Variants in CCN5 observed in about 807,000 individuals in gnomAD.
CCN5 encodes CCN family member 5.
A neutral mutation model predicts 18.7 loss-of-function variants in CCN5; 17 were observed. The ratio of observed to expected loss-of-function variants is 0.91; its 90% confidence interval spans 0.62 to 1.36. CCN5 has a LOEUF of 1.36. CCN5 is among the 40% of genes most tolerant of loss of function. CCN5 has a pLI of 0.00. For synonymous variants in CCN5, 135 were observed against 145.2 expected (o/e 0.93, Z 0.50); for missense variants, 367 against 342.9 (o/e 1.07, Z -0.56).
At chr20:44,726,556 T>C (rs1233052172) in intron 3 of CCN5, among the ~76,000 whole-genome samples, 1 of 152,090 alleles carries the variant, frequency 6.6e-6, no homozygotes, top group African/African-American at 2.4e-5. Flanking sequence ...CTCCAGATAT[T>C]GCCAAACCTT....
In CCN5 at chr20:44,727,458, A is replaced by C; in HGVS notation, c.*151A>C. ...TCCACCATGCAGAACACCAATATTA[A>C]CACGCTGCCTGGTCTGTCTGGATCC... On this transcript the variant is annotated 3_prime_UTR_variant, in exon 4 of 4. Coordinates refer to ENST00000190983, the MANE Select transcript of CCN5 (RefSeq NM_003881.4). The C allele has an allele frequency of 7.0e-7, 1 of 1,435,824 alleles. No homozygotes were observed. Among genetic ancestry groups the C allele is most frequent in the Non-Finnish European group, 9.2e-7 (1 of 1,089,606 alleles). 88.9% of individuals were successfully genotyped at this position (1,435,824 alleles called of 1,614,324 possible).
At chr20:44,722,114 T>C (rs1443068299) in intron 2 of CCN5, among the ~76,000 whole-genome samples, 2 of 152,224 alleles carry the variant, frequency 1.3e-5, no homozygotes, top group Non-Finnish European at 2.9e-5. Context: ...GTCAACATGA[T>C]GGGTGCTCAA....
chr20:44,726,165 T>G (rs1052654838), intron 3 of CCN5, among the ~76,000 whole-genome samples: 25 of 152,338 alleles, frequency 1.6e-4, no homozygotes, highest in African/African-American at 5.3e-4. Flanking sequence ...GCTGTAGCAG[T>G]GCCTGGCACA....
At position 44,727,193 on chromosome 20, in the gene CCN5, C is replaced by T. The variant is rs2065942200; in HGVS notation, c.639C>T (p.Ala213=). Residue 213 remains alanine (A), a synonymous_variant, in exon 4 of 4, where the codon GCC becomes GCT. Coordinates refer to ENST00000190983, the MANE Select transcript of CCN5 (RefSeq NM_003881.4). ...PCSTTCGLGM[A]TRVSNQNRFC... The stretch of plus-strand genomic sequence containing the variant: ...CGACCACCTGTGGGCTGGGCATGGC[C>T]ACCCGGGTGTCCAACCAGAACCGCT... 1.2e-6 allele frequency: 2 copies of T among 1,613,894 alleles called. No homozygotes were observed. The highest frequency in any genetic ancestry group is 1.7e-6 in the Non-Finnish European group (2 of 1,180,030).
chr20:44,715,079 T>G, upstream of CCN5: 1 of 300,178 alleles, frequency 3.3e-6, no homozygotes. Flanking sequence ...GGCTCAGGCT[T>G]TCACACACAC....
intron 1 of CCN5, among the ~76,000 whole-genome samples, chr20:44,716,262 C>T (rs781237930): frequency 6.6e-6 from 1 of 152,230 alleles, no homozygotes; most frequent in Non-Finnish European, 1.5e-5. Flanking sequence ...CAAGCCCAAA[C>T]TGGACCAAGG....
intron 3 of CCN5, 52 bp from the exon 4 acceptor site, chr20:44,727,035 G>A (rs1267665384): frequency 4.5e-5 from 67 of 1,483,634 alleles, no homozygotes; most frequent in Non-Finnish European, 5.6e-5. Flanking sequence ...TGGGTTGATT[G>A]AGCTGCTGAG....
In CCN5 at chr20:44,715,480, G is replaced by A. The variant is rs1341359127; in HGVS notation, c.60+30G>A. ...GGAGGCCCGGGCCCTGGAATGCACT[G>A]CTGACTATTTGGGTGTGGAGGGGGT... On this transcript the variant is annotated intron_variant, in intron 1 of 3. Coordinates refer to ENST00000190983, the MANE Select transcript of CCN5 (RefSeq NM_003881.4). 3 of 1,575,640 alleles carry A rather than the reference G, an allele frequency of 1.9e-6. No homozygotes were observed. The East Asian group carries it at 6.9e-5, about 36-fold the overall frequency.
chr20:44,720,285 T>G, intron 2 of CCN5, 172 bp downstream of exon 2: 2 of 690,496 alleles, frequency 2.9e-6, no homozygotes, highest in Non-Finnish European at 4.9e-6. Flanking sequence ...CACTCCCTCC[T>G]CTCCCTTCTT....
intron 2 of CCN5, among the ~76,000 whole-genome samples, chr20:44,721,810 G>C (rs926154632): frequency 6.6e-6 from 1 of 152,134 alleles, no homozygotes; most frequent in African/African-American, 2.4e-5. Context: ...AACCACATGA[G>C]GTAGGTACCC....
In CCN5 at chr20:44,715,442, C is replaced by T. The variant is rs2065853110; in HGVS notation, c.52C>T (p.Leu18Phe). 1 of 1,595,198 alleles carries T rather than the reference C, an allele frequency of 6.3e-7. No individual in the cohort carries two copies. Among genetic ancestry groups the T allele is most frequent in the Non-Finnish European group, 8.5e-7 (1 of 1,170,890 alleles). ...CCTGGCCTTCTCCCTCCTCTGCCTC[C>T]TCTCAAAGGTAAGGAGGCCCGGGCC... The part of the protein sequence containing the change: ...HLLAFSLLCL[L>F]SKVRTQLCPT... The change falls in exon 1 of 4, where the codon CTC becomes TTC. Residue 18 changes from leucine (L) to phenylalanine (F), a missense_variant. Coordinates refer to ENST00000190983, the MANE Select transcript of CCN5 (RefSeq NM_003881.4).
intron 3 of CCN5, 35 bp downstream of exon 3, chr20:44,725,027 T>A: frequency 6.7e-7 from 1 of 1,487,050 alleles, no homozygotes. Flanking sequence ...AGGGCAGGAC[T>A]GCCTGGGGGC....
chr20:44,719,918 A>G lies in CCN5; in HGVS notation c.82A>G (p.Thr28Ala), dbSNP rs1225275648. ...TCAGGTGCGTACCCAGCTGTGCCCG[A>G]CACCATGTACCTGCCCCTGGCCACC... ...LSKVRTQLCP[T>A]PCTCPWPPPR... Residue 28 changes from threonine (T) to alanine (A), a missense_variant, in exon 2 of 4, where the codon ACA becomes GCA. Transcript: ENST00000190983. The G allele has an allele frequency of 6.2e-7, 1 of 1,613,678 alleles. No homozygotes were observed. Among genetic ancestry groups the G allele is most frequent in the Non-Finnish European group, 8.5e-7 (1 of 1,179,914 alleles).
rs1360983675 is a variant in CCN5 at position 44,724,744 on chromosome 20, A to G, written c.284A>G (p.Glu95Gly). Residue 95 changes from glutamate to glycine, a missense_variant, in exon 3 of 4, where the codon GAG (glutamate) becomes GGG (glycine). By Grantham distance (98) the Glu-to-Gly change is moderately conservative. Transcript: ENST00000190983. ...GGRGALCLLA[E>G]DDSSCEVNGR... ...TGCGGTTTTTCCTCCGCAGTGGCAG[A>G]GGACGACAGCAGCTGTGAGGTGAAC... is the stretch of plus-strand genomic sequence containing the variant. The G allele has an allele frequency of 2.5e-6, 4 of 1,612,552 alleles. No homozygotes were observed.
chr20:44,721,328 A>G (rs2065897913), intron 2 of CCN5: 1 of 141,764 alleles, frequency 7.1e-6, no homozygotes, highest in Non-Finnish European at 1.5e-5. Context: ...GCAACATAGT[A>G]AGATCCTCTC....
intron 1 of CCN5, among the ~76,000 whole-genome samples, chr20:44,717,808 G>A (rs1279632565): frequency 6.6e-6 from 1 of 151,634 alleles, no homozygotes; most frequent in African/African-American, 2.4e-5. Context: ...GAACCTGGGA[G>A]GCGAAGGTTG....
In CCN5 at chr20:44,720,101, G is replaced by T. The variant is rs772635492; in HGVS notation, c.265G>T (p.Ala89Ser). The stretch of plus-strand genomic sequence containing the variant: ...CGGGGCAGGACCCGGTGGCCGGGGG[G>T]CCCTGTGCCTCTGTAAGCAGGTTTG... ...QPGAGPGGRG[A>S]LCLLAEDDSS... Residue 89 changes from alanine (A) to serine (S), a missense_variant, in exon 2 of 4, where the codon GCC becomes TCC. Transcript: ENST00000190983. The T allele has an allele frequency of 6.5e-7, 1 of 1,549,884 alleles. No individual in the cohort carries two copies. Among genetic ancestry groups the T allele is most frequent in the South Asian group, 1.2e-5 (1 of 85,360 alleles).
At chr20:44,722,169 G>C (rs760291067) in intron 2 of CCN5, among the ~76,000 whole-genome samples, 6 of 152,168 alleles carry the variant, frequency 3.9e-5, no homozygotes, top group Non-Finnish European at 8.8e-5. Flanking sequence ...GGGAACTGGT[G>C]AACCCCAAAG....
At chr20:44,726,911 T>C (rs1019675817) in intron 3 of CCN5, among the ~76,000 whole-genome samples, 176 bp from the exon 4 acceptor site, 13 of 152,326 alleles carry the variant, frequency 8.5e-5, no homozygotes, top group Non-Finnish European at 1.0e-4. Flanking sequence ...TGCTAGGCAC[T>C]TCATGCCCAT....
Sources: gnomAD v4.1 joint callset for allele counts (sites outside exome capture counted in the v4.1 genomes callset) on GRCh38, gnomAD v4.1.1 for gene constraint, MANE v1.5 for transcripts, NCBI Gene and HGNC (gene_info 2026-07-23, HGNC 2026-07-21) for gene names.